The following SUCLG2 variants were observed in gnomAD, a reference collection of about 807,000 sequenced individuals.
SUCLG2 encodes the protein succinate--CoA ligase [GDP-forming] subunit beta, mitochondrial.
SUCLG2 carries 42 observed loss-of-function variants against 47.9 expected under a neutral mutation model. That is an observed-to-expected ratio of 0.88 (90% CI 0.69 to 1.14). The LOEUF (loss-of-function observed/expected upper bound fraction) is 1.14. Among genes scored for constraint, SUCLG2 ranks in the 50% most tolerant of loss-of-function variants. The pLI, the probability that SUCLG2 is intolerant of heterozygous loss-of-function variation, is 0.00. For missense variants in SUCLG2, 571 were observed against 525.9 expected, an observed-to-expected ratio of 1.09 and a Z score of -0.84; for synonymous variants, 195 against 197.3, an observed-to-expected ratio of 0.99 and a Z score of 0.10.
At chr3:67,418,489 C>T (rs1363926055) in intron 9 of SUCLG2, among the ~76,000 whole-genome samples, 4 of 152,178 alleles carry the variant, frequency 2.6e-5, no homozygotes, top group Non-Finnish European at 5.9e-5. Context: ...AACCATTACA[C>T]TAAGCTGTTC....
At chr3:67,610,838 G>C (rs1478371589) in intron 1 of SUCLG2, among the ~76,000 whole-genome samples, 2 of 152,082 alleles carry the variant, frequency 1.3e-5, no homozygotes, top group Non-Finnish European at 2.9e-5. Flanking sequence ...ATTTTCTTCT[G>C]GTATCCCCAA....
intron 2 of SUCLG2, among the ~76,000 whole-genome samples, chr3:67,590,833 C>T (rs1162121507): frequency 1.3e-5 from 2 of 152,108 alleles, no homozygotes; most frequent in African/African-American, 4.8e-5. Flanking sequence ...CTTTACATTT[C>T]TTCTCCATTC....
chr3:67,641,764 A>C (rs1701105224), intron 1 of SUCLG2, among the ~76,000 whole-genome samples: 1 of 152,138 alleles, frequency 6.6e-6, no homozygotes, highest in South Asian at 2.1e-4. Context: ...GAAACTACAG[A>C]AAGGTATTCT....
intron 9 of SUCLG2, among the ~76,000 whole-genome samples, chr3:67,407,421 A>T (rs1702840067): frequency 2.6e-5 from 4 of 152,168 alleles, no homozygotes; most frequent in Admixed American, 2.0e-4. Context: ...AATTACATAA[A>T]GGAGTCCAAC....
intron 1 of SUCLG2, among the ~76,000 whole-genome samples, chr3:67,648,217 G>C (rs540409819): frequency 6.6e-6 from 1 of 152,318 alleles, no homozygotes; most frequent in South Asian, 2.1e-4. Flanking sequence ...GATCCCATAA[G>C]AATTTGAACT....
intron 2 of SUCLG2, among the ~76,000 whole-genome samples, chr3:67,601,755 G>A (rs1708422969): frequency 6.6e-6 from 1 of 152,132 alleles, no homozygotes; most frequent in African/African-American, 2.4e-5. Context: ...GTCAAAGTGG[G>A]AAGATCACTC....
intron 1 of SUCLG2, among the ~76,000 whole-genome samples, chr3:67,615,493 C>T (rs1273200097): frequency 6.6e-6 from 1 of 152,040 alleles, no homozygotes; most frequent in African/African-American, 2.4e-5. Context: ...CTTGGGAAGG[C>T]AGCATAAAGC....
chr3:67,555,229 A>G (rs1262617352), intron 2 of SUCLG2, among the ~76,000 whole-genome samples: 1 of 152,198 alleles, frequency 6.6e-6, no homozygotes, highest in Non-Finnish European at 1.5e-5. Flanking sequence ...TGAAATTGGA[A>G]GTATCAATAT....
At chr3:67,437,636 T>C (rs887800167) in intron 9 of SUCLG2, among the ~76,000 whole-genome samples, 24 of 152,094 alleles carry the variant, frequency 1.6e-4, no homozygotes, top group African/African-American at 5.3e-4. Context: ...TAAGGGTAAA[T>C]TTCTTCTATT....
chr3:67,393,023 A>C (rs530330606), intron 10 of SUCLG2, among the ~76,000 whole-genome samples: 2 of 152,244 alleles, frequency 1.3e-5, no homozygotes, highest in African/African-American at 4.8e-5. Context: ...GTAAGAAAAA[A>C]AAAATTGGGG....
rs750445350 is a variant in SUCLG2 at position 67,609,449 on chromosome 3, G to A, written c.226+6C>T. The A allele has an allele frequency of 6.2e-6, 10 of 1,610,062 alleles. No individual in the cohort carries two copies. The highest frequency in any genetic ancestry group is 2.5e-6 in the Non-Finnish European group (3 of 1,178,874). On this transcript the variant is annotated splice_donor_region_variant and intron_variant, in intron 2 of 10. Coordinates refer to ENST00000307227, the MANE Select transcript of SUCLG2 (RefSeq NM_003848.4). ...AGTGTATTTCACCCATTATGAATCA[G>A]CTTACTTAGTCTCTTAGCAGCCTCG...
chr3:67,410,323 T>C (rs1373293395), intron 9 of SUCLG2, among the ~76,000 whole-genome samples: 1 of 152,202 alleles, frequency 6.6e-6, no homozygotes, highest in Admixed American at 6.6e-5. Flanking sequence ...TAAATGCTTC[T>C]GTAGTTGTCA....
chr3:67,459,886 G>A (rs1575710439), intron 9 of SUCLG2, among the ~76,000 whole-genome samples: 1 of 152,138 alleles, frequency 6.6e-6, no homozygotes, highest in South Asian at 2.1e-4. Context: ...GGCTGCTGGA[G>A]CCCCTGCCAT....
intron 2 of SUCLG2, among the ~76,000 whole-genome samples, chr3:67,580,881 T>C (rs1178448765): frequency 1.3e-5 from 2 of 152,176 alleles, no homozygotes; most frequent in Non-Finnish European, 2.9e-5. Flanking sequence ...GGGAAATTGT[T>C]TAGAGCTGTT....
chr3:67,454,533 A>T (rs2106943417), intron 9 of SUCLG2, among the ~76,000 whole-genome samples: 1 of 152,312 alleles, frequency 6.6e-6, no homozygotes, highest in Non-Finnish European at 1.5e-5. Context: ...ATCTCTATAG[A>T]GATATATGTA....
At chr3:67,606,070 T>A in intron 2 of SUCLG2, among the ~76,000 whole-genome samples, 1 of 151,860 alleles carries the variant, frequency 6.6e-6, no homozygotes, top group South Asian at 2.1e-4. Context: ...CCAGGTGTGG[T>A]GGTGTGTGCC....
chr3:67,513,998 C>A, intron 6 of SUCLG2: 1 of 298,054 alleles, frequency 3.4e-6, no homozygotes. Flanking sequence ...ACCCTCTACC[C>A]AGCGGAATAC....
At chr3:67,629,833 C>A (rs1297935651) in intron 1 of SUCLG2, among the ~76,000 whole-genome samples, 1 of 152,084 alleles carries the variant, frequency 6.6e-6, no homozygotes, top group African/African-American at 2.4e-5. Context: ...AAAGAAGCTC[C>A]TACCACTCAG....
intron 9 of SUCLG2, among the ~76,000 whole-genome samples, chr3:67,456,057 A>C (rs1559533188): frequency 1.3e-5 from 1 of 76,396 alleles, no homozygotes; most frequent in Non-Finnish European, 3.2e-5. Context: ...ACCAAGTGTT[A>C]ATTCTTCTTT....
Sources: gnomAD v4.1 joint callset for allele counts (sites outside exome capture counted in the v4.1 genomes callset) on GRCh38, gnomAD v4.1.1 for gene constraint, MANE v1.5 for transcripts, NCBI Gene and HGNC (gene_info 2026-07-23, HGNC 2026-07-21) for gene names.